Variants in PGM3 observed in about 807,000 individuals in gnomAD.
PGM3 encodes phosphoglucomutase 3, also known as phosphoacetylglucosamine mutase.
PGM3 carries 40 observed loss-of-function variants against 66.2 expected under a neutral mutation model. The ratio of observed to expected loss-of-function variants is 0.60; its 90% CI spans 0.47 to 0.79. The LOEUF is 0.79. PGM3 is among the 30% of genes least tolerant of loss of function. The pLI, the probability that PGM3 is intolerant of heterozygous loss-of-function variation, is 0.00. For synonymous variants in PGM3, 191 were observed against 224.2 expected (o/e 0.85, Z 1.32); for missense variants, 537 against 643.4 (o/e 0.83, Z 1.79).
At chr6:83,186,471 A>G (rs1788589768) in intron 4 of PGM3, among the ~76,000 whole-genome samples, 6 of 152,158 alleles carry the variant, frequency 3.9e-5, no homozygotes, top group Non-Finnish European at 1.5e-5. Context: ...CACCAGGAAA[A>G]TATTCACCTC....
downstream of PGM3, chr6:83,163,029 T>C (rs1213277929): frequency 1.5e-6 from 2 of 1,293,294 alleles, no homozygotes; most frequent in Non-Finnish European, 2.1e-6. Flanking sequence ...GTTGAGCTAT[T>C]TTGAAAACAA....
rs766917592 is a variant in PGM3 at position 83,182,928 on chromosome 6, T to G, written c.508A>C (p.Asn170His). The change falls in exon 5 of 13, where the codon AAC becomes CAC. Residue 170 changes from asparagine to histidine, a missense_variant. Asn to His is a moderately conservative substitution (Grantham distance 68, BLOSUM62 1). Coordinates refer to ENST00000513973, the MANE Select transcript of PGM3 (RefSeq NM_015599.3). Reference protein sequence around the residue: ...PQLHYMVYCRNTGGRYGKATI... With the variant: ...PQLHYMVYCRHTGGRYGKATI... ...GCCTTTCCATATCGGCCACCCGTGT[T>G]TCGACAATACACCATGTAGTGCAGC... 1.9e-6 allele frequency: 3 copies of G among 1,613,970 alleles called. No homozygotes were observed. The African/African-American group carries it at 4.0e-5, about 22-fold the overall frequency.
chr6:83,190,640 C>T (rs1021748233), intron 2 of PGM3, 169 bp downstream of exon 2: 4 of 611,248 alleles, frequency 6.5e-6, no homozygotes, highest in Non-Finnish European at 1.2e-5. Context: ...GAATCATGAG[C>T]TTAATGATCA....
intron 6 of PGM3, among the ~76,000 whole-genome samples, chr6:83,180,985 A>G (rs533949520): frequency 6.6e-6 from 1 of 152,334 alleles, no homozygotes; most frequent in South Asian, 2.1e-4. Context: ...AGAGATTCCA[A>G]TATATAAGAG....
the PGM3 span, chr6:83,151,446 G>A: frequency 2.0e-6 from 1 of 499,916 alleles, no homozygotes; most frequent in East Asian, 3.3e-5. Flanking sequence ...ATGAATGTCA[G>A]TTGAGTCATA....
At chr6:83,170,585 A>C in intron 11 of PGM3, 107 bp from the exon 12 acceptor site, 1 of 854,040 alleles carries the variant, frequency 1.2e-6, no homozygotes, top group Non-Finnish European at 1.8e-6. Flanking sequence ...ATAAAATTAC[A>C]TTAAAACTTC....
Sources: allele counts gnomAD v4.1 joint callset (sites outside exome capture counted in the v4.1 genomes callset), GRCh38; gene constraint gnomAD v4.1.1; transcripts MANE v1.5; gene names NCBI Gene and HGNC (gene_info 2026-07-23, HGNC 2026-07-21).